Variants in RAPGEF4 observed in about 807,000 individuals in gnomAD.
RAPGEF4 encodes Rap guanine nucleotide exchange factor 4.
Under a neutral mutation model 147.9 loss-of-function variants are expected in RAPGEF4, and 66 were observed. The observed-to-expected ratio is 0.45, with a 90% CI of 0.37 to 0.55. The LOEUF is 0.55. Among genes scored for constraint, RAPGEF4 ranks in the 20% least tolerant of loss-of-function variants. The pLI is 0.00. For missense variants in RAPGEF4, 1,071 were observed against 1,257.3 expected, an observed-to-expected ratio of 0.85 and a Z score of 2.24; for synonymous variants, 419 against 442.7, an observed-to-expected ratio of 0.95 and a Z score of 0.67.
chr2:172,764,688 T>C (rs1401305617), intron 1 of RAPGEF4, among the ~76,000 whole-genome samples: 1 of 152,180 alleles, frequency 6.6e-6, no homozygotes, highest in Non-Finnish European at 1.5e-5. Flanking sequence ...ACTTGCCCCT[T>C]TTGTGGGAAC....
At chr2:172,819,372 TG>T (rs1320074564) in intron 4 of RAPGEF4, among the ~76,000 whole-genome samples, 1 of 151,438 alleles carries the variant, frequency 6.6e-6, no homozygotes, top group Non-Finnish European at 1.5e-5. Context: ...GAGGCAGAGA[TG>T]GGGAGAGATA....
chr2:172,966,993 T>A (rs1000957864), intron 9 of RAPGEF4: 1 of 323,168 alleles, frequency 3.1e-6, no homozygotes, highest in Non-Finnish European at 5.7e-6. Flanking sequence ...AAAGTGTTCA[T>A]CTGAGAAATG....
chr2:172,951,924 A>G (rs1045862705), intron 6 of RAPGEF4, among the ~76,000 whole-genome samples: 4 of 152,212 alleles, frequency 2.6e-5, no homozygotes, highest in Non-Finnish European at 5.9e-5. Flanking sequence ...CTTCTAGGAC[A>G]GGATCATGAT....
chr2:172,921,463 T>C (rs1360246160), intron 5 of RAPGEF4, among the ~76,000 whole-genome samples: 3 of 152,226 alleles, frequency 2.0e-5, no homozygotes, highest in Non-Finnish European at 4.4e-5. Flanking sequence ...TCCTGTTTAC[T>C]CAGAATTTGG....
At chr2:172,932,494 A>C (rs1167217115) in intron 6 of RAPGEF4, among the ~76,000 whole-genome samples, 1 of 152,234 alleles carries the variant, frequency 6.6e-6, no homozygotes, top group Non-Finnish European at 1.5e-5. Context: ...CACTTAAAAA[A>C]ATATATGAAC....
chr2:172,977,602 G>A (rs573950272), intron 10 of RAPGEF4, among the ~76,000 whole-genome samples: 1 of 152,120 alleles, frequency 6.6e-6, no homozygotes, highest in Non-Finnish European at 1.5e-5. Flanking sequence ...GGTGGGAGGG[G>A]GCTCCATTTT....
intron 6 of RAPGEF4, among the ~76,000 whole-genome samples, chr2:172,929,329 G>A (rs1430348607): frequency 3.9e-5 from 6 of 152,188 alleles, no homozygotes; most frequent in South Asian, 2.1e-4. Context: ...TAAATATTCC[G>A]TAGTCACCCT....
intron 22 of RAPGEF4, among the ~76,000 whole-genome samples, chr2:173,019,829 T>C (rs1243566018): frequency 6.6e-6 from 1 of 152,208 alleles, no homozygotes; most frequent in Non-Finnish European, 1.5e-5. Flanking sequence ...CTTCATTTGC[T>C]TCATTCCCTT....
intron 10 of RAPGEF4, among the ~76,000 whole-genome samples, chr2:172,980,981 G>A (rs571497901): frequency 2.0e-5 from 3 of 152,234 alleles, no homozygotes; most frequent in East Asian, 3.9e-4. Flanking sequence ...ATCCATAAAA[G>A]TTGAGTAATA....
At chr2:172,952,626 G>A (rs115369352) in intron 6 of RAPGEF4, among the ~76,000 whole-genome samples, 130 of 152,276 alleles carry the variant, frequency 8.5e-4, no homozygotes, top group Non-Finnish European at 9.3e-4. Flanking sequence ...AAGCCAATTT[G>A]TAAGGAAAAA....
chr2:173,014,681 TCAG>T, intron 18 of RAPGEF4, 67 bp downstream of exon 18: 1 of 1,482,052 alleles, frequency 6.7e-7, no homozygotes, highest in South Asian at 1.3e-5. Context: ...ACTTATAGGC[TCAG>T]CAGCTTCCCT....
chr2:172,849,396 C>T (rs1692571846), intron 4 of RAPGEF4, among the ~76,000 whole-genome samples: 1 of 152,106 alleles, frequency 6.6e-6, no homozygotes, highest in Non-Finnish European at 1.5e-5. Context: ...AATGATGTGG[C>T]CAGAAGGCAA....
At chr2:173,014,849 C>T (rs1213922403) in intron 18 of RAPGEF4, among the ~76,000 whole-genome samples, 1 of 152,072 alleles carries the variant, frequency 6.6e-6, no homozygotes, top group Non-Finnish European at 1.5e-5. Flanking sequence ...GTCTCTTTTT[C>T]TTTGTATGTT....
chr2:172,910,425 T>C (rs1201084804), intron 4 of RAPGEF4, among the ~76,000 whole-genome samples: 3 of 152,252 alleles, frequency 2.0e-5, no homozygotes, highest in Admixed American at 2.0e-4. Context: ...GATCTTCCAA[T>C]TGCATATATT....
chr2:172,857,699 T>C (rs1280448060), intron 4 of RAPGEF4, among the ~76,000 whole-genome samples: 1 of 151,798 alleles, frequency 6.6e-6, no homozygotes, highest in Non-Finnish European at 1.5e-5. Flanking sequence ...CTGCGAAACA[T>C]GGCAAAACCC....
At chr2:172,825,496 T>C (rs1189655367) in intron 4 of RAPGEF4, among the ~76,000 whole-genome samples, 1 of 152,254 alleles carries the variant, frequency 6.6e-6, no homozygotes, top group Admixed American at 6.5e-5. Context: ...ATTACTGGGA[T>C]GCTTGAGGTT....
chr2:172,917,923 A>G (rs746785439), intron 5 of RAPGEF4, 49 bp downstream of exon 5: 8 of 1,467,804 alleles, frequency 5.5e-6, no homozygotes, highest in Admixed American at 3.3e-5. Context: ...GTCGTGTGGT[A>G]TGTGTTTTCA....
chr2:173,012,620 C>A lies in RAPGEF4; in HGVS notation c.1659-1844C>A, dbSNP rs547617066. 3.9e-5 allele frequency among the ~76,000 whole-genome samples: 6 copies of A among 152,308 alleles called. No individual in the cohort carries two copies. In the South Asian group the frequency reaches 1.2e-3, roughly 32 times the overall value. On this transcript the variant is annotated intron_variant, in intron 17 of 30. Coordinates refer to ENST00000397081, the MANE Select transcript of RAPGEF4 (RefSeq NM_007023.4). ...CACCTTGCCTTAGCGTTATTAAATG[C>A]GGTAGCTGAAAGAGAATTTGGAAAT...
intron 17 of RAPGEF4, among the ~76,000 whole-genome samples, chr2:173,003,164 T>C (rs1339178959): frequency 6.6e-6 from 1 of 152,174 alleles, no homozygotes; most frequent in Non-Finnish European, 1.5e-5. Flanking sequence ...CTTCTTCGTG[T>C]ATTAGCTTGT....
Sources: gnomAD v4.1 joint callset for allele counts (sites outside exome capture counted in the v4.1 genomes callset) on GRCh38, gnomAD v4.1.1 for gene constraint, MANE v1.5 for transcripts, NCBI Gene and HGNC (gene_info 2026-07-23, HGNC 2026-07-21) for gene names.